The following SGCZ variants were observed in gnomAD, a reference collection of about 807,000 sequenced individuals.
The protein encoded by SGCZ is sarcoglycan zeta, also known as zeta-sarcoglycan.
SGCZ carries 40 observed loss-of-function variants against 41.3 expected under a neutral mutation model. The ratio of observed to expected loss-of-function variants is 0.97; its 90% CI spans 0.75 to 1.26. SGCZ has a LOEUF of 1.26. Ranked by LOEUF, SGCZ falls within the 50% of genes most tolerant of loss-of-function variation. The probability of loss-of-function intolerance (pLI) is 0.00; values close to 1 mark genes in which losing one functional copy is unlikely to be tolerated. For missense variants in SGCZ, 552 were observed against 369.8 expected (o/e 1.49, Z -4.04); for synonymous variants, 206 against 137.5 (o/e 1.50, Z -3.49).
intron 1 of SGCZ, among the ~76,000 whole-genome samples, chr8:15,063,167 C>T (rs984400281): frequency 9.9e-5 from 15 of 152,120 alleles, no homozygotes; most frequent in African/African-American, 2.2e-4. Context: ...CCCACTAGTT[C>T]GATAGACTTC....
chr8:14,889,395 T>C (rs1045821803), intron 1 of SGCZ, among the ~76,000 whole-genome samples: 6 of 152,142 alleles, frequency 3.9e-5, no homozygotes, highest in Non-Finnish European at 7.4e-5. Context: ...ACCTTAATTT[T>C]GTATTGAGAA....
chr8:14,425,906 G>A (rs73517413), intron 2 of SGCZ, among the ~76,000 whole-genome samples: 1 of 152,042 alleles, frequency 6.6e-6, no homozygotes, highest in Admixed American at 6.6e-5. Flanking sequence ...AAGGTTCAGG[G>A]AAGTAAAGAA....
chr8:14,778,982 G>A (rs546286947), intron 1 of SGCZ, among the ~76,000 whole-genome samples: 6 of 152,170 alleles, frequency 3.9e-5, no homozygotes, highest in Middle Eastern at 3.2e-3. Context: ...ATGTGCAAGA[G>A]TGATTCTTAC....
chr8:14,164,240 CTTTT>C (rs1804136802), intron 5 of SGCZ, among the ~76,000 whole-genome samples: 3 of 152,072 alleles, frequency 2.0e-5, no homozygotes, highest in Admixed American at 6.6e-5. Context: ...CTTCGCACGT[CTTTT>C]ATTTTAAAAT....
intron 1 of SGCZ, among the ~76,000 whole-genome samples, chr8:14,786,284 C>A (rs1044516819): frequency 1.3e-5 from 2 of 152,016 alleles, no homozygotes; most frequent in African/African-American, 4.8e-5. Context: ...TGAGCATTTA[C>A]AAACCATCAA....
At chr8:15,092,109 A>T (rs183868540) in intron 1 of SGCZ, among the ~76,000 whole-genome samples, 1 of 152,296 alleles carries the variant, frequency 6.6e-6, no homozygotes, top group African/African-American at 2.4e-5. Context: ...AGCTATATAA[A>T]AAAACAGCAT....
At position 14,242,774 on chromosome 8, in the gene SGCZ, C is replaced by T. The variant is rs529493965; in HGVS notation, c.337-5095G>A. ...AAGGTAACAAGCCATGTTGGAACTC[C>T]ATAATTTTGTTTCAAATATGCCCTG... On this transcript the variant is annotated intron_variant, in intron 3 of 7. Transcript: ENST00000382080. Among the ~76,000 whole-genome samples, 14 of 152,160 alleles carry T rather than the reference C, an allele frequency of 9.2e-5. No homozygotes were observed. The South Asian group carries it at 2.5e-3, about 27-fold the overall frequency.
intron 1 of SGCZ, among the ~76,000 whole-genome samples, chr8:14,964,490 T>A (rs1219530346): frequency 6.6e-6 from 1 of 152,124 alleles, no homozygotes; most frequent in Non-Finnish European, 1.5e-5. Flanking sequence ...ACAAAAAGAT[T>A]GTGATTTGCA....
intron 1 of SGCZ, among the ~76,000 whole-genome samples, chr8:14,735,039 A>T (rs1200361252): frequency 6.6e-6 from 1 of 152,190 alleles, no homozygotes; most frequent in Non-Finnish European, 1.5e-5. Context: ...TCAAATAAGT[A>T]TGAAGCATAG....
rs145544043 is a variant in SGCZ, at chr8:14,365,615, A to G, written c.235-41411T>C. On this transcript the variant is annotated intron_variant, in intron 2 of 7. Transcript: ENST00000382080. ...TATTCTCTTGAAAAGTTTAAGGTTA[A>G]TGTTAAGTCTTCTTAAACATTTGGA... is the stretch of plus-strand genomic sequence containing the variant. Among the ~76,000 whole-genome samples the G allele has an allele frequency of 7.3e-4, 111 of 152,272 alleles. 1 individual carries two copies. Among genetic ancestry groups the G allele is most frequent in the Admixed American group, 3.3e-3 (50 of 15,284 alleles).
At chr8:15,070,426 C>T (rs574213539) in intron 1 of SGCZ, among the ~76,000 whole-genome samples, 3 of 152,098 alleles carry the variant, frequency 2.0e-5, no homozygotes, top group Non-Finnish European at 2.9e-5. Flanking sequence ...CAGCATTTTC[C>T]GTAACAGCAA....
intron 1 of SGCZ, among the ~76,000 whole-genome samples, chr8:15,012,492 A>T (rs1420363461): frequency 7.4e-6 from 1 of 135,806 alleles, no homozygotes; most frequent in South Asian, 2.2e-4. Flanking sequence ...TATATATATA[A>T]AATAAATGTA....
At chr8:14,685,192 T>C (rs1808571598) in intron 1 of SGCZ, among the ~76,000 whole-genome samples, 2 of 152,122 alleles carry the variant, frequency 1.3e-5, no homozygotes, top group Admixed American at 1.3e-4. Flanking sequence ...TGCTTGTATT[T>C]CATGATGGAG....
chr8:14,100,513 ATATTATATTAATAT>A (rs1221260868), intron 7 of SGCZ, among the ~76,000 whole-genome samples: 1 of 147,714 alleles, frequency 6.8e-6, no homozygotes, highest in Non-Finnish European at 1.5e-5. Flanking sequence ...TGATATTAAT[ATATTATATTAATAT>A]ATTTTCAAAA....
At chr8:14,637,152 T>A (rs1043355869) in intron 1 of SGCZ, among the ~76,000 whole-genome samples, 1 of 151,796 alleles carries the variant, frequency 6.6e-6, no homozygotes, top group Non-Finnish European at 1.5e-5. Flanking sequence ...CCTACCCATA[T>A]ATGTGAAGGA....
At chr8:15,156,594 C>T (rs1222317091) in intron 1 of SGCZ, among the ~76,000 whole-genome samples, 1 of 152,170 alleles carries the variant, frequency 6.6e-6, no homozygotes, top group Non-Finnish European at 1.5e-5. Flanking sequence ...TCCATTATCT[C>T]GTTGAAAGAC....
At chr8:14,298,123 T>C (rs1021192609) in intron 3 of SGCZ, among the ~76,000 whole-genome samples, 4 of 152,004 alleles carry the variant, frequency 2.6e-5, no homozygotes, top group Admixed American at 2.0e-4. Context: ...ATTATTTTAA[T>C]AGATACAGAA....
intron 1 of SGCZ, among the ~76,000 whole-genome samples, chr8:14,638,461 A>C (rs1806908920): frequency 6.6e-6 from 1 of 151,806 alleles, no homozygotes; most frequent in Admixed American, 6.6e-5. Context: ...TAATTTCTTT[A>C]AGTCTGAATT....
At chr8:14,366,652 C>G (rs1193541911) in intron 2 of SGCZ, among the ~76,000 whole-genome samples, 1 of 152,102 alleles carries the variant, frequency 6.6e-6, no homozygotes, top group Non-Finnish European at 1.5e-5. Flanking sequence ...AGTCAAAAGT[C>G]CCATCTGAGA....
Sources: allele counts gnomAD v4.1 joint callset (sites outside exome capture counted in the v4.1 genomes callset), GRCh38; gene constraint gnomAD v4.1.1; transcripts MANE v1.5; gene names NCBI Gene and HGNC (gene_info 2026-07-23, HGNC 2026-07-21).